The following LARS2 variants were observed in gnomAD, a reference collection of about 807,000 sequenced individuals.
LARS2 encodes leucyl-tRNA synthetase 2, mitochondrial.
LARS2 carries 81 observed loss-of-function variants against 116.6 expected under a neutral mutation model. The observed-to-expected ratio is 0.69, with a 90% CI of 0.58 to 0.84. LARS2 has a LOEUF of 0.84. Among genes scored for constraint, LARS2 ranks in the 40% least tolerant of loss-of-function variants. The pLI is 0.00. For missense variants in LARS2, 968 were observed against 1,114.5 expected, an observed-to-expected ratio of 0.87 and a Z score of 1.87; for synonymous variants, 396 against 407.2, an observed-to-expected ratio of 0.97 and a Z score of 0.33.
intron 6 of LARS2, among the ~76,000 whole-genome samples, chr3:45,429,172 CA>C (rs1698648823): frequency 6.6e-6 from 1 of 152,316 alleles, no homozygotes; most frequent in East Asian, 1.9e-4. Context: ...CATCTTAAAA[CA>C]ACATCAGCAT....
rs111948392 is a variant in LARS2, at chr3:45,480,967, C to T, written c.1018+4340C>T. ...TTTTTAATATATTCACAAATTTATA[C>T]AACCATCCCCACAGTCAATTTTAGA... On this transcript the variant is annotated intron_variant, in intron 10 of 21. Transcript: ENST00000645846. Among the ~76,000 whole-genome samples, 838 of 152,244 alleles carry T rather than the reference C, an allele frequency of 5.5e-3. 5 individuals are homozygous for T. Among genetic ancestry groups the T allele is most frequent in the South Asian group, 9.7e-3 (47 of 4,824 alleles).
intron 4 of LARS2, among the ~76,000 whole-genome samples, chr3:45,413,206 T>C (rs912575158): frequency 6.6e-6 from 1 of 152,204 alleles, no homozygotes; most frequent in African/African-American, 2.4e-5. Context: ...TGAGGATCTG[T>C]GTGAGATTCA....
At chr3:45,481,757 C>T (rs1699706959) in intron 10 of LARS2, among the ~76,000 whole-genome samples, 1 of 151,994 alleles carries the variant, frequency 6.6e-6, no homozygotes, top group African/African-American at 2.4e-5. Flanking sequence ...AGATACTAGT[C>T]TCTTATCAGA....
At chr3:45,537,897 T>G (rs1454026120) in intron 20 of LARS2, among the ~76,000 whole-genome samples, 2 of 152,162 alleles carry the variant, frequency 1.3e-5, no homozygotes, top group Non-Finnish European at 2.9e-5. Flanking sequence ...ATAGTAGCTC[T>G]CTCAGAGGAG....
intron 4 of LARS2, among the ~76,000 whole-genome samples, chr3:45,410,097 A>G (rs531528235): frequency 1.3e-5 from 2 of 152,342 alleles, no homozygotes; most frequent in East Asian, 3.9e-4. Flanking sequence ...AGAAACATTG[A>G]ATCGGTGCCA....
At chr3:45,451,008 A>T (rs1478028079) in intron 7 of LARS2, among the ~76,000 whole-genome samples, 2 of 151,864 alleles carry the variant, frequency 1.3e-5, no homozygotes, top group African/African-American at 4.8e-5. Flanking sequence ...ATGTCTATAT[A>T]GGTGTTTTGC....
chr3:45,540,865 A>G (rs1156237972), intron 20 of LARS2, among the ~76,000 whole-genome samples: 1 of 152,078 alleles, frequency 6.6e-6, no homozygotes, highest in Non-Finnish European at 1.5e-5. Flanking sequence ...AGCTCACTAC[A>G]GCCTCAAACT....
rs140152943 is a variant in LARS2, at chr3:45,406,275, G to A, written c.363+5902G>A. On this transcript the variant is annotated intron_variant, in intron 4 of 21. Transcript: ENST00000645846. The stretch of plus-strand genomic sequence containing the variant: ...GTGTCCATGATTCTTAAACTTTAGG[G>A]TGTGTAATGATCCCCTGAGGAGTTT... 1.6e-3 allele frequency among the ~76,000 whole-genome samples: 240 copies of A among 152,228 alleles called. 1 individual carries two copies. The East Asian group carries it at 0.017, about 11-fold the overall frequency.
intron 16 of LARS2, among the ~76,000 whole-genome samples, 168 bp downstream of exon 16, chr3:45,513,403 T>A (rs1014755506): frequency 7.9e-5 from 12 of 152,124 alleles, no homozygotes; most frequent in African/African-American, 2.7e-4. Flanking sequence ...CTGCGCCCCC[T>A]GAAGCCTGGT....
intron 20 of LARS2, among the ~76,000 whole-genome samples, chr3:45,541,331 G>A (rs1416652700): frequency 6.6e-6 from 1 of 152,144 alleles, no homozygotes; most frequent in Non-Finnish European, 1.5e-5. Context: ...AAGTTTGCAG[G>A]AAGGTTAGGA....
chr3:45,419,361 CG>C (rs1244613097), intron 5 of LARS2, among the ~76,000 whole-genome samples: 3 of 152,118 alleles, frequency 2.0e-5, no homozygotes, highest in Non-Finnish European at 4.4e-5. Context: ...GACGTCTGGA[CG>C]GGCCAGCAGT....
Position 45,517,821 on chromosome 3 carries a change from G to A in LARS2, c.2045-82G>A, listed in dbSNP as rs887701194. The stretch of plus-strand genomic sequence containing the variant: ...TGAAGTGTCACATCAATTCACAGGT[G>A]TTTTTCTCTGCTTAGTTATACCAAG... On this transcript the variant is annotated intron_variant, in intron 17 of 21. Transcript: ENST00000645846. 7 of 1,155,658 alleles carry A rather than the reference G, an allele frequency of 6.1e-6. No homozygotes were observed. In the Admixed American group the frequency reaches 1.1e-4, roughly 18 times the overall value. 71.6% of individuals were successfully genotyped at this position (1,155,658 alleles called of 1,614,324 possible).
intron 3 of LARS2, 133 bp from the exon 4 acceptor site, chr3:45,400,112 C>G (rs1698118369): frequency 4.7e-6 from 4 of 848,800 alleles, no homozygotes. Flanking sequence ...GATTTACATT[C>G]TGGGAACACT....
At chr3:45,485,029 T>C (rs1219487102) in intron 10 of LARS2, among the ~76,000 whole-genome samples, 1 of 152,144 alleles carries the variant, frequency 6.6e-6, no homozygotes, top group Non-Finnish European at 1.5e-5. Context: ...AGATCTGACC[T>C]GGTCATTCTC....
At chr3:45,510,705 A>C (rs1040556303) in intron 15 of LARS2, among the ~76,000 whole-genome samples, 5 of 152,222 alleles carry the variant, frequency 3.3e-5, no homozygotes, top group African/African-American at 1.2e-4. Context: ...AGGGAGTGGC[A>C]GGGGACAGGG....
intron 4 of LARS2, among the ~76,000 whole-genome samples, chr3:45,403,837 C>T (rs1386816776): frequency 6.6e-6 from 1 of 152,146 alleles, no homozygotes; most frequent in Admixed American, 6.5e-5. Context: ...TAGATTTGAA[C>T]CTACCACTTT....
chr3:45,537,348 A>T lies in LARS2; in HGVS notation c.2405-4481A>T, dbSNP rs147546651. Among the ~76,000 whole-genome samples, 308 of 152,244 alleles carry T rather than the reference A, an allele frequency of 2.0e-3. 3 individuals are homozygous for T. Among genetic ancestry groups the T allele is most frequent in the South Asian group, 2.9e-3 (14 of 4,824 alleles). The stretch of plus-strand genomic sequence containing the variant: ...ATTTTTCTTCATAAAATAATTTGGG[A>T]TGACTTTCTTTGTAGCTTTTTATAA... On this transcript the variant is annotated intron_variant, in intron 20 of 21. Transcript: ENST00000645846.
chr3:45,419,590 C>A, intron 5 of LARS2, 79 bp from the exon 6 acceptor site: 1 of 1,025,466 alleles, frequency 9.8e-7, no homozygotes, highest in Non-Finnish European at 1.5e-6. Context: ...TTCAGTTTCC[C>A]TTTACATTCT....
chr3:45,444,004 CTT>C (rs11409535), intron 6 of LARS2, among the ~76,000 whole-genome samples: 1 of 133,220 alleles, frequency 7.5e-6, no homozygotes, highest in Admixed American at 7.7e-5. Flanking sequence ...GATCTATCCT[CTT>C]TTTTTTTTTT....
Sources: allele counts gnomAD v4.1 joint callset (sites outside exome capture counted in the v4.1 genomes callset), GRCh38; gene constraint gnomAD v4.1.1; transcripts MANE v1.5; gene names NCBI Gene and HGNC (gene_info 2026-07-23, HGNC 2026-07-21).